MAPKAP1: variants seen among roughly 807,000 people sequenced by gnomAD.
The protein encoded by MAPKAP1 is target of rapamycin complex 2 subunit MAPKAP1.
Under a neutral mutation model 65.7 loss-of-function variants are expected in MAPKAP1, and 20 were observed. The ratio of observed to expected loss-of-function variants is 0.30; its 90% confidence interval spans 0.21 to 0.44. The LOEUF is 0.44. Ranked by LOEUF, MAPKAP1 falls within the 20% of genes least tolerant of loss-of-function variation. The pLI, the probability that MAPKAP1 is intolerant of heterozygous loss-of-function variation, is 1.00. For synonymous variants in MAPKAP1, 222 were observed against 244.3 expected (o/e 0.91, Z 0.85); for missense variants, 423 against 648.0 (o/e 0.65, Z 3.77).
chr9:125,442,468 G>C (rs1852525475), intron 11 of MAPKAP1, among the ~76,000 whole-genome samples: 1 of 149,968 alleles, frequency 6.7e-6, no homozygotes, highest in Non-Finnish European at 1.5e-5. Flanking sequence ...AAATTATTTT[G>C]ATGTCAAACA....
In MAPKAP1 at chr9:125,617,847, T is replaced by G. The variant is rs1019930788; in HGVS notation, c.499-32120A>C. Among the ~76,000 whole-genome samples, 4 of 152,152 alleles carry G rather than the reference T, an allele frequency of 2.6e-5. No homozygotes were observed. In the East Asian group the frequency reaches 7.7e-4, roughly 29 times the overall value. On this transcript the variant is annotated intron_variant, in intron 4 of 11. Transcript: ENST00000265960. ...GGAGCAAGGAGGACACGGAGGGGAC[T>G]TCAAAAATAAAAGTAATATTCTTCC...
Position 125,672,515 on chromosome 9 carries a change from G to A in MAPKAP1, c.60C>T (p.Thr20=). 6.2e-7 allele frequency: 1 copy of A among 1,614,086 alleles called. No individual in the cohort carries two copies. The highest frequency in any genetic ancestry group is 8.5e-7 in the Non-Finnish European group (1 of 1,179,992). ...TCTCACACATTCCCGTGTCATCACT[G>A]GTCACATGTGACTGTCGAATATGAG... ...ILAHIRQSHV[T]SDDTGMCEMV... Residue 20 remains threonine (T), a synonymous_variant, in exon 2 of 12, where the codon ACC becomes ACT. Coordinates refer to ENST00000265960, the MANE Select transcript of MAPKAP1 (RefSeq NM_001006617.3).
intron 10 of MAPKAP1, among the ~76,000 whole-genome samples, chr9:125,460,423 A>G (rs1324110853): frequency 1.3e-5 from 2 of 152,252 alleles, no homozygotes; most frequent in South Asian, 2.1e-4. Context: ...AAAATGAAGA[A>G]AATTTACAGA....
At chr9:125,579,185 G>T (rs1386125127) in intron 5 of MAPKAP1, among the ~76,000 whole-genome samples, 1 of 152,216 alleles carries the variant, frequency 6.6e-6, no homozygotes, top group Admixed American at 6.5e-5. Flanking sequence ...AGAGTTAACA[G>T]ACGTAAGTGT....
At chr9:125,677,956 C>T (rs1032893023) in intron 1 of MAPKAP1, among the ~76,000 whole-genome samples, 7 of 152,122 alleles carry the variant, frequency 4.6e-5, no homozygotes, top group African/African-American at 1.4e-4. Flanking sequence ...TCACTCCCAT[C>T]GCCCAGGCTG....
chr9:125,557,775 C>T (rs905712966), intron 6 of MAPKAP1, among the ~76,000 whole-genome samples: 2 of 152,168 alleles, frequency 1.3e-5, no homozygotes, highest in African/African-American at 4.8e-5. Flanking sequence ...AGATAGTAAG[C>T]TCCATGAGGG....
chr9:125,648,755 A>T (rs1221952118), intron 4 of MAPKAP1, among the ~76,000 whole-genome samples: 1 of 152,066 alleles, frequency 6.6e-6, no homozygotes, highest in Non-Finnish European at 1.5e-5. Context: ...AGCCTGACCA[A>T]CATGGTGAAA....
chr9:125,668,048 T>C (rs1834391725), intron 3 of MAPKAP1, among the ~76,000 whole-genome samples: 1 of 152,126 alleles, frequency 6.6e-6, no homozygotes, highest in South Asian at 2.1e-4. Flanking sequence ...GAGATATAAG[T>C]AAGAAAAACA....
chr9:125,656,229 T>A (rs1421975032), intron 4 of MAPKAP1, among the ~76,000 whole-genome samples: 1 of 151,534 alleles, frequency 6.6e-6, no homozygotes, highest in Non-Finnish European at 1.5e-5. Context: ...CATTGTAGTA[T>A]TTTTTTTTAA....
chr9:125,443,986 T>C (rs1001344498), intron 11 of MAPKAP1, among the ~76,000 whole-genome samples: 1 of 152,142 alleles, frequency 6.6e-6, no homozygotes, highest in African/African-American at 2.4e-5. Flanking sequence ...TCTGTCACCG[T>C]GGCATCCCAG....
At chr9:125,622,955 C>T (rs923839011) in intron 4 of MAPKAP1, among the ~76,000 whole-genome samples, 5 of 152,150 alleles carry the variant, frequency 3.3e-5, no homozygotes, top group African/African-American at 1.2e-4. Context: ...TGCAGGCACG[C>T]GCCGCCACAC....
intron 6 of MAPKAP1, among the ~76,000 whole-genome samples, chr9:125,555,384 T>C (rs1830707146): frequency 6.6e-6 from 1 of 152,232 alleles, no homozygotes; most frequent in Non-Finnish European, 1.5e-5. Context: ...AGGTCATGCA[T>C]GTAGCAAGAT....
intron 4 of MAPKAP1, among the ~76,000 whole-genome samples, chr9:125,614,412 T>TC (rs1230208649): frequency 6.6e-6 from 1 of 152,116 alleles, no homozygotes; most frequent in East Asian, 1.9e-4. Context: ...TCACCTGAGG[T>TC]CAGGAGTTCG....
intron 1 of MAPKAP1, among the ~76,000 whole-genome samples, chr9:125,674,883 T>C (rs1212666316): frequency 6.6e-6 from 1 of 152,182 alleles, no homozygotes; most frequent in Non-Finnish European, 1.5e-5. Flanking sequence ...CCTAATACCA[T>C]GGGATTCCTT....
At position 125,707,015 on chromosome 9, in the gene MAPKAP1, G is replaced by A; in HGVS notation, c.-114C>T. On this transcript the variant is annotated 5_prime_UTR_variant, in exon 1 of 12. In the 5' UTR this introduces an upstream ATG that the reference lacks. Transcript: ENST00000265960. The stretch of plus-strand genomic sequence containing the variant: ...ACGGGCCGGGTCGGCCCCGGGACAC[G>A]TTCCTGAGGGGAGGGCCCGGCTCCC... 2.5e-6 allele frequency: 1 copy of A among 397,108 alleles called. No homozygotes were observed. Among genetic ancestry groups the A allele is most frequent in the Non-Finnish European group, 4.4e-6 (1 of 225,310 alleles). The allele number at this position is 397,108 out of a possible 1,614,324, so 24.6% of individuals were successfully genotyped here. A position where few individuals can be genotyped will look rare whatever the true frequency, so the allele number is the denominator to read the frequency against.
chr9:125,642,074 A>G (rs1833594605), intron 4 of MAPKAP1, among the ~76,000 whole-genome samples: 1 of 152,026 alleles, frequency 6.6e-6, no homozygotes, highest in Admixed American at 6.6e-5. Flanking sequence ...GTGTGGTGGC[A>G]TGCACCTATG....
chr9:125,599,965 A>G (rs1196968409), intron 4 of MAPKAP1: 1 of 152,194 alleles, frequency 6.6e-6, no homozygotes, highest in East Asian at 1.9e-4. Flanking sequence ...TGGACTCAAA[A>G]CAAGAAAGGA....
chr9:125,536,905 C>CCTA (rs1830089807), intron 7 of MAPKAP1, among the ~76,000 whole-genome samples: 2 of 152,144 alleles, frequency 1.3e-5, no homozygotes, highest in Admixed American at 1.3e-4. Context: ...GAAAGCTAGA[C>CCTA]ATAAAACATT....
At chr9:125,481,861 T>C (rs989318885) in intron 9 of MAPKAP1, among the ~76,000 whole-genome samples, 2 of 151,874 alleles carry the variant, frequency 1.3e-5, no homozygotes, top group Non-Finnish European at 2.9e-5. Context: ...CCAGGCGTGG[T>C]GGTTCACGCC....
Sources: allele counts gnomAD v4.1 joint callset (sites outside exome capture counted in the v4.1 genomes callset), GRCh38; gene constraint gnomAD v4.1.1; transcripts MANE v1.5; gene names NCBI Gene and HGNC (gene_info 2026-07-23, HGNC 2026-07-21).